ERGIC3: variants seen among roughly 807,000 people sequenced by gnomAD.
The protein encoded by ERGIC3 is ERGIC and golgi 3.
Under a neutral mutation model 54.7 loss-of-function variants are expected in ERGIC3, and 33 were observed. The observed-to-expected ratio is 0.60, with a 90% CI of 0.46 to 0.81. The LOEUF is 0.81. Among genes scored for constraint, ERGIC3 ranks in the 30% least tolerant of loss-of-function variants. The pLI is 0.00. For synonymous variants in ERGIC3, 186 were observed against 189.8 expected, an observed-to-expected ratio of 0.98 and a Z score of 0.16; for missense variants, 399 against 488.4, an observed-to-expected ratio of 0.82 and a Z score of 1.73.
chr20:35,544,598 G>A (rs975502794), intron 4 of ERGIC3: 9 of 265,136 alleles, frequency 3.4e-5, no homozygotes, highest in Non-Finnish European at 2.4e-5. Flanking sequence ...CATACGGGGC[G>A]AAACCACACA....
intron 10 of ERGIC3, chr20:35,556,491 T>C (rs1445079328): frequency 3.5e-6 from 2 of 578,866 alleles, no homozygotes; most frequent in Non-Finnish European, 6.1e-6. Flanking sequence ...CCCTCACCGC[T>C]TCTATCCGTT....
At chr20:35,544,805 C>CTTTTTTTTTTTTTTTTTTTTTTTTT (rs1168405691) in intron 4 of ERGIC3, 1 of 75,660 alleles carries the variant, frequency 1.3e-5, no homozygotes, top group African/African-American at 5.8e-5. Flanking sequence ...CGGGGATCTA[C>CTTTTTTTTTTTTTTTTTTTTTTTTT]TTTTTTTTTT....
Position 35,548,818 on chromosome 20 carries a change from A to G in ERGIC3, c.638A>G (p.Asn213Ser). 6.2e-7 allele frequency: 1 copy of G among 1,614,272 alleles called. No individual in the cohort carries two copies. The highest frequency in any genetic ancestry group is 1.3e-5 in the African/African-American group (1 of 75,082). Residue 213 changes from asparagine to serine, a missense_variant, in exon 7 of 13, where the codon AAC (asparagine) becomes AGC (serine). By Grantham distance (46) the Asn-to-Ser change is conservative. Transcript: ENST00000348547. ...GFLEVNKVAG[N>S]FHFAPGKSFQ... ...GAATGTTCCTTACAGGTGGCCGGAA[A>G]CTTCCACTTTGCCCCTGGGAAGAGC...
Position 35,557,233 on chromosome 20 carries a change from T to C in ERGIC3, c.1056T>C (p.Ile352=), listed in dbSNP as rs1205192278. ...TCCTGACAGGTGTGTGCGCCATCAT[T>C]GGGGGCATGTTCACAGGTAAGAGGC... The part of the protein sequence containing the change: ...THFLTGVCAI[I]GGMFTVAGLI... Residue 352 remains isoleucine, a synonymous_variant, in exon 12 of 13, where the codon ATT becomes ATC. Coordinates refer to ENST00000348547, the MANE Select transcript of ERGIC3 (RefSeq NM_015966.3). 1 of 1,613,984 alleles carries C rather than the reference T, an allele frequency of 6.2e-7. No homozygotes were observed. Among genetic ancestry groups the C allele is most frequent in the South Asian group, 1.1e-5 (1 of 91,074 alleles).
At position 35,547,448 on chromosome 20, in the gene ERGIC3, A is replaced by G. The variant is rs753656202; in HGVS notation, c.404A>G (p.Asp135Gly). The change falls in exon 5 of 13, where the codon GAC becomes GGC. Residue 135 changes from aspartate (D) to glycine (G), a missense_variant. By Grantham distance (94) the Asp-to-Gly change is moderately conservative. Coordinates refer to ENST00000348547, the MANE Select transcript of ERGIC3 (RefSeq NM_015966.3). Reference sequence around the variant, plus strand: ...GTCGAGGTGACGGTGTTTGACCCTGACTCCCTGGACCCTGATCGCTGTGAG... The same window carrying G: ...GTCGAGGTGACGGTGTTTGACCCTGGCTCCCTGGACCCTGATCGCTGTGAG... ...GKVEVTVFDP[D>G]SLDPDRCESC... The G allele has an allele frequency of 4.3e-6, 7 of 1,613,530 alleles. No individual in the cohort carries two copies. The East Asian group carries it at 1.6e-4, about 36-fold the overall frequency.
intron 7 of ERGIC3, among the ~76,000 whole-genome samples, chr20:35,549,935 C>A (rs1457246871): frequency 1.3e-5 from 2 of 152,112 alleles, no homozygotes; most frequent in African/African-American, 4.8e-5. Context: ...CCGCACCTGG[C>A]CGACTTACAA....
chr20:35,547,201 A>C (rs1188109109), intron 4 of ERGIC3: 2 of 525,760 alleles, frequency 3.8e-6, no homozygotes, highest in Non-Finnish European at 6.9e-6. Flanking sequence ...AATGTTCAGT[A>C]TTTACTGTTG....
intron 4 of ERGIC3, chr20:35,544,937 G>C (rs1038677859): frequency 1.3e-5 from 2 of 149,652 alleles, no homozygotes; most frequent in African/African-American, 2.5e-5. Context: ...TGAGTAGCTG[G>C]GGTTACAGGC....
chr20:35,556,079 A>G lies in ERGIC3; in HGVS notation c.764A>G (p.Tyr255Cys), dbSNP rs889738960. ...YIQHLSFGEDYPGIVNPLDHT... is the reference protein window; with the variant it reads ...YIQHLSFGEDCPGIVNPLDHT... ...CAGCACCTGTCATTTGGGGAGGACT[A>G]TCCAGGCATTGTGAACCCCCTGGAC... Residue 255 changes from tyrosine (Y) to cysteine (C), a missense_variant, in exon 9 of 13, where the codon TAT becomes TGT. Transcript: ENST00000348547. The G allele has an allele frequency of 1.9e-5, 30 of 1,614,054 alleles. No homozygotes were observed. Among genetic ancestry groups the G allele is most frequent in the Non-Finnish European group, 2.4e-5 (28 of 1,180,038 alleles).
chr20:35,556,344 C>A, intron 10 of ERGIC3, 73 bp downstream of exon 10: 2 of 1,523,990 alleles, frequency 1.3e-6, no homozygotes, highest in Non-Finnish European at 1.8e-6. Context: ...TTCGTTCCGT[C>A]AGCCTGGGGA....
rs754577778 is a variant in ERGIC3, at chr20:35,556,981, G to A, written c.888G>A (p.Arg296=). 2 of 1,614,168 alleles carry A rather than the reference G, an allele frequency of 1.2e-6. No homozygotes were observed. The highest frequency in any genetic ancestry group is 1.1e-5 in the South Asian group (1 of 91,084). The change falls in exon 11 of 13, where the codon AGG becomes AGA. Residue 296 remains arginine, a synonymous_variant. Transcript: ENST00000348547. ...VYMKVDGEVL[R]TNQFSVTRHE... is the part of the protein sequence containing the mutation. ...CTCCCCTCCCACCCCAGGTACTGAG[G>A]ACAAATCAGTTCTCTGTGACCAGAC...
chr20:35,547,247 G>C (rs2064653463), intron 4 of ERGIC3, 165 bp from the exon 5 acceptor site: 1 of 591,466 alleles, frequency 1.7e-6, no homozygotes. Context: ...TAAAAGAATT[G>C]ATATGTGTGT....
chr20:35,554,453 C>T (rs1257875855), intron 7 of ERGIC3: 15 of 1,591,704 alleles, frequency 9.4e-6, no homozygotes, highest in Middle Eastern at 1.8e-4. Context: ...ACTAGAATGG[C>T]GGGGAGGTTG....
rs1197284927 is a variant in ERGIC3 at position 35,554,816 on chromosome 20, G to C, written c.686-228G>C. 28 of 619,404 alleles carry C rather than the reference G, an allele frequency of 4.5e-5. 1 individual carries two copies. Among genetic ancestry groups the C allele is most frequent in the Non-Finnish European group, 7.8e-5 (27 of 345,600 alleles). 38.4% of individuals were successfully genotyped at this position (619,404 alleles called of 1,614,324 possible). ...CATAGAGTTCCCTGTGGACGTCAGG[G>C]AGGAACCAGGGTCTGTTCTAAAGAC... On this transcript the variant is annotated intron_variant, in intron 7 of 12. Coordinates refer to ENST00000348547, the MANE Select transcript of ERGIC3 (RefSeq NM_015966.3).
chr20:35,551,379 G>A (rs987088982), intron 7 of ERGIC3, among the ~76,000 whole-genome samples: 8 of 151,906 alleles, frequency 5.3e-5, no homozygotes, highest in Non-Finnish European at 8.8e-5. Flanking sequence ...AAATGGGATC[G>A]TACAGCTGGT....
chr20:35,551,167 G>A lies in ERGIC3; in HGVS notation c.685+2302G>A, dbSNP rs144003065. Among the ~76,000 whole-genome samples, 10 of 152,144 alleles carry A rather than the reference G, an allele frequency of 6.6e-5. No homozygotes were observed. In the East Asian group the frequency reaches 1.4e-3, roughly 21 times the overall value. ...AAATCAGCCGGGCGTAGCGGCGTGC[G>A]CCTGTAGTCCCAGCTACTCGGGAGG... On this transcript the variant is annotated intron_variant, in intron 7 of 12. Coordinates refer to ENST00000348547, the MANE Select transcript of ERGIC3 (RefSeq NM_015966.3).
In ERGIC3 at chr20:35,556,808, G is replaced by T. The variant is rs2064715439; in HGVS notation, c.880-165G>T. 5 of 887,312 alleles carry T rather than the reference G, an allele frequency of 5.6e-6. No individual in the cohort carries two copies. In the East Asian group the frequency reaches 1.3e-4, roughly 24 times the overall value. 55.0% of individuals were successfully genotyped at this position (887,312 alleles called of 1,614,324 possible). A position where few individuals can be genotyped will look rare whatever the true frequency, so the allele number is the denominator to read the frequency against. On this transcript the variant is annotated intron_variant, in intron 10 of 12. Transcript: ENST00000348547. ...GCTGAGGCCAAGACTAGGAGAGGGG[G>T]TCTGGCGGGCCAGGCCTTGCAGTGC...
chr20:35,551,648 G>A (rs2064682516), intron 7 of ERGIC3, among the ~76,000 whole-genome samples: 1 of 152,222 alleles, frequency 6.6e-6, no homozygotes, highest in Non-Finnish European at 1.5e-5. Flanking sequence ...GTGTCAGGGG[G>A]AATTGGTAGG....
intron 4 of ERGIC3, chr20:35,544,038 CTATCTAT>C (rs2064633179): frequency 4.5e-6 from 1 of 219,794 alleles, no homozygotes; most frequent in African/African-American, 2.3e-5. Context: ...ATCTATCTAT[CTATCTAT>C]CTATCTATCT....
Sources: allele counts gnomAD v4.1 joint callset (sites outside exome capture counted in the v4.1 genomes callset), GRCh38; gene constraint gnomAD v4.1.1; transcripts MANE v1.5; gene names NCBI Gene and HGNC (gene_info 2026-07-23, HGNC 2026-07-21).